The following COL4A2 variants were observed in gnomAD, a reference collection of about 807,000 sequenced individuals.
The protein encoded by COL4A2 is collagen type IV alpha 2 chain.
In COL4A2, 99 loss-of-function variants were observed where a neutral mutation model predicts 200.2. The observed-to-expected ratio is 0.49, with a 90% CI of 0.42 to 0.58. The LOEUF (loss-of-function observed/expected upper bound fraction) is 0.58, where lower values mean the gene tolerates loss of function less well. Among genes scored for constraint, COL4A2 ranks in the 20% least tolerant of loss-of-function variants. The pLI is 0.00. For synonymous variants in COL4A2, 897 were observed against 900.6 expected, an observed-to-expected ratio of 1.00 and a Z score of 0.07; for missense variants, 1,950 against 2,314.1, an observed-to-expected ratio of 0.84 and a Z score of 3.23.
intron 3 of COL4A2, among the ~76,000 whole-genome samples, chr13:110,327,085 T>C (rs1231920064): frequency 6.6e-6 from 1 of 152,152 alleles, no homozygotes; most frequent in Non-Finnish European, 1.5e-5. Context: ...AGCCCTGTGG[T>C]TGCTAACCTG....
chr13:110,387,069 C>T (rs1202318769), intron 4 of COL4A2, among the ~76,000 whole-genome samples: 2 of 152,168 alleles, frequency 1.3e-5, no homozygotes, highest in African/African-American at 4.8e-5. Context: ...GAAACCCCGT[C>T]TCTACTAAAA....
chr13:110,319,634 T>C (rs897170998), intron 3 of COL4A2, among the ~76,000 whole-genome samples: 1 of 152,172 alleles, frequency 6.6e-6, no homozygotes, highest in Admixed American at 6.5e-5. Flanking sequence ...CTGAGGAAGA[T>C]TCCCGCTGGA....
At chr13:110,507,716 T>A (rs1041502384) in intron 46 of COL4A2, 11 of 596,018 alleles carry the variant, frequency 1.8e-5, no homozygotes, top group Middle Eastern at 4.5e-4. Flanking sequence ...TGAGAACTTG[T>A]AGAAGAACAG....
chr13:110,457,367 C>T lies in COL4A2; in HGVS notation c.1364C>T (p.Ala455Val), dbSNP rs2139490864. 6.2e-7 allele frequency: 1 copy of T among 1,613,230 alleles called. No homozygotes were observed. Among genetic ancestry groups the T allele is most frequent in the East Asian group, 2.2e-5 (1 of 44,852 alleles). Residue 455 changes from alanine (A) to valine (V), a missense_variant, in exon 21 of 48, where the codon GCA (alanine) becomes GTA (valine). Physicochemically the swap from Ala to Val is moderately conservative, Grantham distance 64 (BLOSUM62 0). This residue lies in a region of COL4A2 where 1,385 missense variants were observed against 1,720.5 expected (regional missense o/e 0.80). Transcript: ENST00000360467. ...GGCTTCCTGTTTGGGCTGAAAGGAG[C>T]AAAAGGAAGAGCAGGCTTCCCTGGG... is the stretch of plus-strand genomic sequence containing the variant. ...PDGFLFGLKGAKGRAGFPGLP... is the reference protein window; with the variant it reads ...PDGFLFGLKGVKGRAGFPGLP...
Position 110,439,636 on chromosome 13 carries a change from A to G in COL4A2, c.913-153A>G, listed in dbSNP as rs372541789. ...TTAATAGTTGGTATTGAATTTGGCAATTTGTTGCTATTCTTCAAAATCTGG... is the reference window on the plus strand; with the variant it reads ...TTAATAGTTGGTATTGAATTTGGCAGTTTGTTGCTATTCTTCAAAATCTGG... On this transcript the variant is annotated intron_variant, in intron 15 of 47. Transcript: ENST00000360467. Among the ~76,000 whole-genome samples the G allele has an allele frequency of 1.1e-4, 16 of 152,360 alleles. 1 individual carries two copies. In the East Asian group the frequency reaches 2.3e-3, roughly 22 times the overall value.
At chr13:110,505,816 TGG>T (rs1378581142) in intron 45 of COL4A2, among the ~76,000 whole-genome samples, 1 of 151,754 alleles carries the variant, frequency 6.6e-6, no homozygotes, top group African/African-American at 2.4e-5. Flanking sequence ...CTGCTGGGGG[TGG>T]GGGCTGGCCT....
At chr13:110,322,955 C>G (rs568239959) in intron 3 of COL4A2, among the ~76,000 whole-genome samples, 2 of 152,314 alleles carry the variant, frequency 1.3e-5, no homozygotes, top group South Asian at 4.1e-4. Flanking sequence ...AGCGGGAGGG[C>G]GGATGCCCAG....
At chr13:110,332,616 C>A (rs1436470014) in intron 3 of COL4A2, among the ~76,000 whole-genome samples, 1 of 152,162 alleles carries the variant, frequency 6.6e-6, no homozygotes, top group African/African-American at 2.4e-5. Flanking sequence ...CAAGCACAGG[C>A]AGATAGAGAG....
intron 4 of COL4A2, among the ~76,000 whole-genome samples, chr13:110,406,864 G>A (rs1879591687): frequency 6.6e-6 from 1 of 152,182 alleles, no homozygotes; most frequent in South Asian, 2.1e-4. Flanking sequence ...AAACATTTGA[G>A]GACTGGTAAA....
intron 4 of COL4A2, among the ~76,000 whole-genome samples, chr13:110,412,202 A>G (rs746339772): frequency 6.6e-6 from 1 of 152,252 alleles, no homozygotes; most frequent in East Asian, 1.9e-4. Flanking sequence ...ACCACCCTGT[A>G]GAAAGGAAAA....
intron 12 of COL4A2, 156 bp from the exon 13 acceptor site, chr13:110,436,113 C>G: frequency 9.1e-7 from 1 of 1,102,140 alleles, no homozygotes; most frequent in Non-Finnish European, 1.4e-6. Context: ...ATTAGGATTA[C>G]TCTATTTTGT....
At chr13:110,505,120 G>T (rs1036176438) in intron 45 of COL4A2, among the ~76,000 whole-genome samples, 1 of 151,854 alleles carries the variant, frequency 6.6e-6, no homozygotes, top group Admixed American at 6.6e-5. Context: ...GGAGGCTGAG[G>T]TGGGCGGATC....
intron 13 of COL4A2, among the ~76,000 whole-genome samples, chr13:110,437,340 C>G (rs1880930607): frequency 6.6e-6 from 1 of 152,166 alleles, no homozygotes; most frequent in Non-Finnish European, 1.5e-5. Context: ...GCTCAATCTT[C>G]CGAGTCAAGT....
At chr13:110,312,374 G>A (rs2139340842) in intron 3 of COL4A2, among the ~76,000 whole-genome samples, 1 of 152,054 alleles carries the variant, frequency 6.6e-6, no homozygotes, top group East Asian at 1.9e-4. Flanking sequence ...GAGGTGAAGA[G>A]GAAAAGGTTC....
Position 110,393,801 on chromosome 13 carries a change from T to C in COL4A2, c.181-30933T>C, listed in dbSNP as rs572595416. On this transcript the variant is annotated intron_variant, in intron 4 of 47. Transcript: ENST00000360467. ...GGCGGAAGCAAGAGAATCACTTGAATCTGGGAGGCAGAGGTTACAGGGAGC... is the reference window on the plus strand; with the variant it reads ...GGCGGAAGCAAGAGAATCACTTGAACCTGGGAGGCAGAGGTTACAGGGAGC... Among the ~76,000 whole-genome samples, 7 of 152,176 alleles carry C rather than the reference T, an allele frequency of 4.6e-5. No individual in the cohort carries two copies. In the South Asian group the frequency reaches 1.0e-3, roughly 23 times the overall value.
intron 41 of COL4A2, among the ~76,000 whole-genome samples, chr13:110,502,287 C>T (rs1340612507): frequency 6.6e-6 from 1 of 152,170 alleles, no homozygotes; most frequent in African/African-American, 2.4e-5. Flanking sequence ...TCAGTATCCA[C>T]CCAGTACAAG....
intron 4 of COL4A2, among the ~76,000 whole-genome samples, chr13:110,387,611 C>T (rs982344458): frequency 3.3e-5 from 5 of 151,896 alleles, no homozygotes; most frequent in African/African-American, 1.2e-4. Context: ...CGGCTGCAGC[C>T]CCGAGGGAGC....
rs556369788 is a variant in COL4A2, at chr13:110,401,599, C to T, written c.181-23135C>T. Among the ~76,000 whole-genome samples the T allele has an allele frequency of 4.6e-5, 7 of 152,302 alleles. No individual in the cohort carries two copies. The South Asian group carries it at 1.5e-3, about 32-fold the overall frequency. On this transcript the variant is annotated intron_variant, in intron 4 of 47. Coordinates refer to ENST00000360467, the MANE Select transcript of COL4A2 (RefSeq NM_001846.4). ...GATATCATTAGAAACTGATAATGCT[C>T]AGCACAGTCAGCGCAAGATAAGTTA...
intron 18 of COL4A2, among the ~76,000 whole-genome samples, chr13:110,448,204 G>A (rs1220471199): frequency 1.3e-5 from 2 of 152,174 alleles, no homozygotes; most frequent in Non-Finnish European, 2.9e-5. Context: ...TGGTAAAAAG[G>A]AAATATGCTG....
Sources: gnomAD v4.1 joint callset for allele counts (sites outside exome capture counted in the v4.1 genomes callset) on GRCh38, gnomAD v4.1.1 for gene constraint, gnomAD v4.1.1 regional missense constraint, MANE v1.5 for transcripts, NCBI Gene and HGNC (gene_info 2026-07-23, HGNC 2026-07-21) for gene names.